Variants in HTR1F observed in about 807,000 individuals in gnomAD.
HTR1F encodes the protein 5-hydroxytryptamine (serotonin) receptor 1F, G protein-coupled.
Under a neutral mutation model 24.0 loss-of-function variants are expected in HTR1F, and 17 were observed. That is an observed-to-expected ratio of 0.71 (90% CI 0.48 to 1.06). HTR1F has a LOEUF of 1.06. Among genes scored for constraint, HTR1F ranks in the 50% least tolerant of loss-of-function variants. HTR1F has a pLI of 0.00. For synonymous variants in HTR1F, 186 were observed against 156.8 expected (o/e 1.19, Z -1.39); for missense variants, 391 against 427.8 (o/e 0.91, Z 0.76).
At chr3:87,863,261 G>A (rs1452783009) in intron 2 of HTR1F, among the ~76,000 whole-genome samples, 1 of 152,128 alleles carries the variant, frequency 6.6e-6, no homozygotes, top group Non-Finnish European at 1.5e-5. Context: ...TCCAGAGCAC[G>A]TTTTCCTGAC....
At chr3:87,819,293 T>C (rs1396704275) in intron 1 of HTR1F, among the ~76,000 whole-genome samples, 1 of 152,140 alleles carries the variant, frequency 6.6e-6, no homozygotes, top group Non-Finnish European at 1.5e-5. Flanking sequence ...GACACACATA[T>C]GGGCATTTGT....
At chr3:87,903,791 A>G (rs1473356291) in intron 2 of HTR1F, among the ~76,000 whole-genome samples, 1 of 152,194 alleles carries the variant, frequency 6.6e-6, no homozygotes, top group Non-Finnish European at 1.5e-5. Flanking sequence ...ACCCAAAGGA[A>G]TATAAATCAT....
At chr3:87,853,601 G>A (rs990158274) in intron 2 of HTR1F, among the ~76,000 whole-genome samples, 9 of 152,106 alleles carry the variant, frequency 5.9e-5, no homozygotes, top group Non-Finnish European at 1.0e-4. Flanking sequence ...TGGGATTGCT[G>A]AGTCGAATGG....
At position 87,945,512 on chromosome 3, in the gene HTR1F, G is replaced by A. The variant is rs185489087; in HGVS notation, c.-42-45196G>A. Reference sequence around the variant, plus strand: ...GGGCGCACACATGGGCGACTATTGAGTAGAGACTTCTGGCTGCGCCATGAT... The same window carrying A: ...GGGCGCACACATGGGCGACTATTGAATAGAGACTTCTGGCTGCGCCATGAT... On this transcript the variant is annotated intron_variant, in intron 2 of 2. Transcript: ENST00000319595. Among the ~76,000 whole-genome samples, 52 of 152,342 alleles carry A rather than the reference G, an allele frequency of 3.4e-4. No individual in the cohort carries two copies. In the East Asian group the frequency reaches 9.7e-3, roughly 28 times the overall value.
In HTR1F at chr3:87,816,093, C is replaced by T. The variant is rs376011866; in HGVS notation, c.-159-5915C>T. On this transcript the variant is annotated intron_variant, in intron 1 of 2. Coordinates refer to ENST00000319595, the MANE Select transcript of HTR1F (RefSeq NM_001322209.2). ...GTGATTAAGGAAAGAACTAAGTTTC[C>T]AAACACAATTCTATGCAAGAAGAGG... is the stretch of plus-strand genomic sequence containing the variant. Among the ~76,000 whole-genome samples, 153 of 152,016 alleles carry T rather than the reference C, an allele frequency of 1.0e-3. 1 individual carries two copies. The highest frequency in any genetic ancestry group is 6.8e-3 in the South Asian group (33 of 4,824).
chr3:87,831,523 C>G (rs571759995), intron 2 of HTR1F, among the ~76,000 whole-genome samples: 4 of 151,814 alleles, frequency 2.6e-5, no homozygotes, highest in Non-Finnish European at 5.9e-5. Context: ...CCACCACGCC[C>G]GGCTAATTTT....
chr3:87,959,949 A>G (rs9879360), intron 2 of HTR1F, among the ~76,000 whole-genome samples: 1 of 151,818 alleles, frequency 6.6e-6, no homozygotes, highest in Non-Finnish European at 1.5e-5. Context: ...CCTTAAATTC[A>G]GCAGCTATTC....
rs558364656 is a variant in HTR1F at position 87,882,965 on chromosome 3, G to A, written c.-43+60841G>A. ...AGAACAGTGGTCCTCCCAGGATGGC[G>A]TTGGAGCTCTGAGGACGGACAGACT... On this transcript the variant is annotated intron_variant, in intron 2 of 2. Coordinates refer to ENST00000319595, the MANE Select transcript of HTR1F (RefSeq NM_001322209.2). Among the ~76,000 whole-genome samples, 25 of 152,304 alleles carry A rather than the reference G, an allele frequency of 1.6e-4. No individual in the cohort carries two copies. In the East Asian group the frequency reaches 4.1e-3, roughly 25 times the overall value.
chr3:87,925,432 G>A (rs759042307), intron 2 of HTR1F, among the ~76,000 whole-genome samples: 3 of 152,162 alleles, frequency 2.0e-5, no homozygotes, highest in Non-Finnish European at 2.9e-5. Flanking sequence ...TTTTGGGGAT[G>A]CAGGGCACTG....
At chr3:87,971,048 T>A (rs116533558) in intron 2 of HTR1F, among the ~76,000 whole-genome samples, 10 of 152,250 alleles carry the variant, frequency 6.6e-5, no homozygotes, top group African/African-American at 2.2e-4. Context: ...CTACCTTCCA[T>A]CCAAAGAGAA....
At chr3:87,930,629 G>A (rs1704239778) in intron 2 of HTR1F, among the ~76,000 whole-genome samples, 1 of 152,038 alleles carries the variant, frequency 6.6e-6, no homozygotes, top group Non-Finnish European at 1.5e-5. Flanking sequence ...CATCCCTGGG[G>A]TGAAGTCTAC....
chr3:87,991,867 T>C lies in HTR1F; in HGVS notation c.*17T>C. 6.5e-7 allele frequency: 1 copy of C among 1,535,834 alleles called. No individual in the cohort carries two copies. Among genetic ancestry groups the C allele is most frequent in the Non-Finnish European group, 8.7e-7 (1 of 1,144,032 alleles). ...CGATGTTAGTTTTAAAAATGTTTAT[T>C]ATTGAAGGATGGGGGTTTTTGAGGG... is the stretch of plus-strand genomic sequence containing the variant. On this transcript the variant is annotated 3_prime_UTR_variant, in exon 3 of 3. Coordinates refer to ENST00000319595, the MANE Select transcript of HTR1F (RefSeq NM_001322209.2).
At chr3:87,802,253 CTTCTTTTTCTTTCTTTCCT>C in intron 1 of HTR1F, among the ~76,000 whole-genome samples, 1 of 89,428 alleles carries the variant, frequency 1.1e-5, no homozygotes, top group African/African-American at 8.5e-5. Context: ...TCCTTCCTTC[CTTCTTTTTCTTTCTTTCCT>C]TCCCTTCTTC....
intron 2 of HTR1F, among the ~76,000 whole-genome samples, chr3:87,854,194 C>G (rs1373040235): frequency 6.6e-6 from 1 of 151,932 alleles, no homozygotes; most frequent in Non-Finnish European, 1.5e-5. Flanking sequence ...TTACATGTAG[C>G]ATTCCCTGAA....
intron 1 of HTR1F, among the ~76,000 whole-genome samples, chr3:87,817,917 A>C (rs1377806160): frequency 6.6e-6 from 1 of 152,208 alleles, no homozygotes; most frequent in Non-Finnish European, 1.5e-5. Flanking sequence ...CAGTAGAAAA[A>C]TATTTTTCAT....
intron 2 of HTR1F, among the ~76,000 whole-genome samples, chr3:87,931,203 C>A (rs1209524397): frequency 6.6e-6 from 1 of 152,042 alleles, no homozygotes; most frequent in Non-Finnish European, 1.5e-5. Flanking sequence ...CCCCCCTCCC[C>A]CAACCCCACA....
chr3:87,795,693 C>T (rs1703892814), intron 1 of HTR1F, among the ~76,000 whole-genome samples: 1 of 152,174 alleles, frequency 6.6e-6, no homozygotes, highest in East Asian at 1.9e-4. Context: ...TCCATTCCCT[C>T]AGCCTTAAAT....
chr3:87,933,430 G>T (rs1319809968), intron 2 of HTR1F, among the ~76,000 whole-genome samples: 2 of 152,134 alleles, frequency 1.3e-5, no homozygotes, highest in Admixed American at 6.6e-5. Flanking sequence ...CTTTGCAGAC[G>T]ACATGATTGT....
intron 2 of HTR1F, among the ~76,000 whole-genome samples, chr3:87,928,912 T>C (rs923473): frequency 0.44 from 66,472 of 152,010 alleles, 15,527 homozygotes; most frequent in African/African-American, 0.61. Flanking sequence ...AAGAGCTGTC[T>C]GAGTCTAAAA....
Sources: allele counts gnomAD v4.1 joint callset (sites outside exome capture counted in the v4.1 genomes callset), GRCh38; gene constraint gnomAD v4.1.1; transcripts MANE v1.5; gene names NCBI Gene and HGNC (gene_info 2026-07-23, HGNC 2026-07-21).